DOCK3: variants seen among roughly 807,000 people sequenced by gnomAD.
DOCK3 encodes dedicator of cytokinesis protein 3.
A neutral mutation model predicts 265.6 loss-of-function variants in DOCK3; 60 were observed. That is an observed-to-expected ratio of 0.23 (90% CI 0.18 to 0.28). The LOEUF (loss-of-function observed/expected upper bound fraction) is 0.28. Among genes scored for constraint, DOCK3 ranks in the 10% least tolerant of loss-of-function variants. The pLI, the probability that DOCK3 is intolerant of heterozygous loss-of-function variation, is 1.00. For synonymous variants in DOCK3, 881 were observed against 938.0 expected (o/e 0.94, Z 1.11); for missense variants, 1,981 against 2,594.3 (o/e 0.76, Z 5.14).
chr3:51,120,726 C>G (rs1439628897), intron 9 of DOCK3, among the ~76,000 whole-genome samples: 1 of 152,172 alleles, frequency 6.6e-6, no homozygotes. Context: ...GTGTTTGGCT[C>G]TGCCAAGTCC....
chr3:51,047,804 A>G (rs574471633), intron 5 of DOCK3, among the ~76,000 whole-genome samples: 1 of 152,316 alleles, frequency 6.6e-6, no homozygotes, highest in African/African-American at 2.4e-5. Flanking sequence ...GCTGAATTAT[A>G]CCAGGCATTT....
intron 27 of DOCK3, among the ~76,000 whole-genome samples, chr3:51,298,737 T>C (rs1045250956): frequency 9.9e-5 from 15 of 152,112 alleles, no homozygotes; most frequent in Non-Finnish European, 1.5e-5. Context: ...GCAAAGGACA[T>C]GATTTCATTC....
intron 5 of DOCK3, among the ~76,000 whole-genome samples, chr3:51,025,408 C>T (rs1227157380): frequency 6.6e-6 from 1 of 152,118 alleles, no homozygotes; most frequent in Non-Finnish European, 1.5e-5. Flanking sequence ...AGGTCGGTGT[C>T]ACTCCTGCGG....
chr3:50,845,632 A>G (rs1037843287), intron 3 of DOCK3, among the ~76,000 whole-genome samples: 1 of 152,212 alleles, frequency 6.6e-6, no homozygotes, highest in African/African-American at 2.4e-5. Context: ...CACTTTGGCA[A>G]CAGGGAATCT....
chr3:50,880,558 C>A, intron 3 of DOCK3: 1 of 189,488 alleles, frequency 5.3e-6, no homozygotes. Context: ...ATATATACAC[C>A]CTCCCAGGAC....
intron 3 of DOCK3, among the ~76,000 whole-genome samples, chr3:50,864,501 C>T (rs1296135213): frequency 1.6e-4 from 24 of 152,046 alleles, no homozygotes; most frequent in Non-Finnish European, 1.5e-5. Context: ...AGGGCTTCCC[C>T]AACAATTTTT....
chr3:51,139,435 T>C (rs2107151100), intron 9 of DOCK3, among the ~76,000 whole-genome samples: 1 of 152,328 alleles, frequency 6.6e-6, no homozygotes, highest in East Asian at 1.9e-4. Context: ...CTCATGGATG[T>C]TTCTGCATAG....
intron 5 of DOCK3, among the ~76,000 whole-genome samples, chr3:51,005,883 A>G (rs1295179436): frequency 6.6e-6 from 1 of 152,084 alleles, no homozygotes; most frequent in Admixed American, 6.6e-5. Context: ...AAACCCTCCA[A>G]TGGCTATCAT....
chr3:51,310,256 G>A lies in DOCK3; in HGVS notation c.2947G>A (p.Val983Met), dbSNP rs375470911. 1.6e-5 allele frequency: 26 copies of A among 1,604,070 alleles called. No individual in the cohort carries two copies. The highest frequency in any genetic ancestry group is 1.0e-4 in the South Asian group (9 of 88,666). Residue 983 changes from valine (V) to methionine (M), a missense_variant, in exon 28 of 53, where the codon GTG becomes ATG. Val to Met is a conservative substitution (Grantham distance 21). Around this residue, in one of 4 missense-constraint regions of DOCK3, gnomAD observed 1,357 missense variants for 1,866.8 expected, o/e 0.73. Coordinates refer to ENST00000266037, the MANE Select transcript of DOCK3 (RefSeq NM_004947.5). ...LKEFLLKIFC[V>M]FRNLMKMSVF... Reference sequence around the variant, plus strand: ...GGAATTTCTGCTGAAGATTTTTTGCGTGTTCCGGAACCTGATGAAGATGAG... The same window carrying A: ...GGAATTTCTGCTGAAGATTTTTTGCATGTTCCGGAACCTGATGAAGATGAG...
chr3:51,021,661 C>CTTTTTTTTTTTTTT (rs61097732), intron 5 of DOCK3, among the ~76,000 whole-genome samples: 1 of 142,818 alleles, frequency 7.0e-6, no homozygotes. Context: ...GGAGAACTTC[C>CTTTTTTTTTTTTTT]TTTTTTTTTT....
intron 32 of DOCK3, among the ~76,000 whole-genome samples, chr3:51,319,181 TTAAACAAA>T (rs1332996145): frequency 1.3e-5 from 2 of 152,158 alleles, no homozygotes; most frequent in African/African-American, 4.8e-5. Context: ...GCTTCTCCTA[TTAAACAAA>T]TAAATAAATA....
intron 5 of DOCK3, among the ~76,000 whole-genome samples, chr3:51,031,119 A>G (rs982760542): frequency 2.0e-5 from 3 of 152,210 alleles, no homozygotes; most frequent in Non-Finnish European, 2.9e-5. Flanking sequence ...ATACTTTTCA[A>G]TTTGCTATGT....
At chr3:51,298,825 A>G (rs1357466363) in intron 27 of DOCK3, among the ~76,000 whole-genome samples, 1 of 152,144 alleles carries the variant, frequency 6.6e-6, no homozygotes, top group Non-Finnish European at 1.5e-5. Context: ...ATAGGCATTT[A>G]TGTTGATTCC....
chr3:51,115,488 GTTGT>G (rs1202684177), intron 9 of DOCK3, among the ~76,000 whole-genome samples: 14 of 152,038 alleles, frequency 9.2e-5, no homozygotes, highest in African/African-American at 3.4e-4. Flanking sequence ...TTTTGATGGG[GTTGT>G]TTGTTTTTTT....
At chr3:50,859,805 C>G (rs550811939) in intron 3 of DOCK3, among the ~76,000 whole-genome samples, 1 of 152,280 alleles carries the variant, frequency 6.6e-6, no homozygotes, top group South Asian at 2.1e-4. Context: ...TTGGTAGACT[C>G]TTGCTCAGTT....
intron 5 of DOCK3, among the ~76,000 whole-genome samples, chr3:51,058,884 A>G (rs191077062): frequency 8.0e-4 from 122 of 152,210 alleles, no homozygotes; most frequent in Admixed American, 7.1e-3. Context: ...GTGTATACAT[A>G]TATGTATAAA....
intron 2 of DOCK3, chr3:50,787,750 T>G (rs187705766): frequency 8.5e-7 from 1 of 1,176,454 alleles, no homozygotes; most frequent in African/African-American, 1.5e-5. Context: ...CTCTGTTATC[T>G]TCTCCTTTTT....
chr3:50,921,276 C>T lies in DOCK3; in HGVS notation c.219-12705C>T, dbSNP rs566677592. ...TTTTACTCTTTTTTCTCTAACTTCT[C>T]TTCTGCTTCATTTCATTCAGTTGAT... On this transcript the variant is annotated intron_variant, in intron 4 of 52. Coordinates refer to ENST00000266037, the MANE Select transcript of DOCK3 (RefSeq NM_004947.5). Among the ~76,000 whole-genome samples the T allele has an allele frequency of 5.3e-5, 8 of 152,272 alleles. No homozygotes were observed. The South Asian group carries it at 6.2e-4, about 12-fold the overall frequency.
intron 9 of DOCK3, among the ~76,000 whole-genome samples, chr3:51,137,927 T>TTGACTC (rs2084879080): frequency 6.6e-6 from 1 of 152,214 alleles, no homozygotes; most frequent in South Asian, 2.1e-4. Context: ...ATGAGTAAAT[T>TTGACTC]TGACTCTCTT....
Sources: gnomAD v4.1 joint callset for allele counts (sites outside exome capture counted in the v4.1 genomes callset) on GRCh38, gnomAD v4.1.1 for gene constraint, gnomAD v4.1.1 regional missense constraint, MANE v1.5 for transcripts, NCBI Gene and HGNC (gene_info 2026-07-23, HGNC 2026-07-21) for gene names.